UPP2: variants seen among roughly 807,000 people sequenced by gnomAD.
The protein encoded by UPP2 is UPase 2.
In UPP2, 23 loss-of-function variants were observed where a neutral mutation model predicts 26.7. That is an observed-to-expected ratio of 0.86 (90% CI 0.62 to 1.22). UPP2 has a LOEUF of 1.22. Ranked by LOEUF, UPP2 falls within the 50% of genes most tolerant of loss-of-function variation. UPP2 has a pLI of 0.00. For missense variants in UPP2, 387 were observed against 396.7 expected (o/e 0.98, Z 0.21); for synonymous variants, 127 against 141.3 (o/e 0.90, Z 0.72).
chr2:158,011,017 G>A (rs912664707), intron 2 of UPP2, among the ~76,000 whole-genome samples: 2 of 151,876 alleles, frequency 1.3e-5, no homozygotes, highest in African/African-American at 2.4e-5. Context: ...CACCCACCTC[G>A]ACCTCCCAAA....
At chr2:158,055,763 T>A (rs191680120) in intron 3 of UPP2, among the ~76,000 whole-genome samples, 2 of 152,290 alleles carry the variant, frequency 1.3e-5, no homozygotes, top group Admixed American at 1.3e-4. Flanking sequence ...CCTGTGTTGG[T>A]TTCTTTCTAA....
upstream of UPP2, among the ~76,000 whole-genome samples, chr2:158,099,587 C>A (rs1683041114): frequency 6.6e-6 from 1 of 152,084 alleles, no homozygotes; most frequent in African/African-American, 2.4e-5. Context: ...GCTGATACCC[C>A]ATGGAGAGAC....
intron 4 of UPP2, 79 bp from the exon 5 acceptor site, chr2:158,121,330 C>T: frequency 7.8e-7 from 1 of 1,285,616 alleles, no homozygotes; most frequent in Non-Finnish European, 1.1e-6. Flanking sequence ...AGCATTAATA[C>T]TAGAATAAGT....
chr2:158,124,578 C>G (rs191222539), intron 6 of UPP2, among the ~76,000 whole-genome samples: 1 of 152,074 alleles, frequency 6.6e-6, no homozygotes, highest in Admixed American at 6.6e-5. Context: ...TGGGAAGACC[C>G]GAATGGGGTC....
chr2:158,107,690 G>T (rs1683224343), intron 2 of UPP2, among the ~76,000 whole-genome samples: 1 of 152,036 alleles, frequency 6.6e-6, no homozygotes, highest in Non-Finnish European at 1.5e-5. Context: ...AAAATGAGAA[G>T]AAATAGATCT....
At chr2:158,101,066 G>A (rs1390526980), upstream of UPP2, among the ~76,000 whole-genome samples, 2 of 152,180 alleles carry the variant, frequency 1.3e-5, no homozygotes, top group African/African-American at 4.8e-5. Context: ...ATTTGCTGCT[G>A]TTTGGCATTT....
Position 158,108,887 on chromosome 2 carries a change from C to CGTGTGTGT in UPP2, c.180+2710_180+2717dup, listed in dbSNP as rs748328980. Among the ~76,000 whole-genome samples the CGTGTGTGT allele has an allele frequency of 6.7e-3, 898 of 133,096 alleles. 10 individuals carry two copies. The highest frequency in any genetic ancestry group is 7.5e-3 in the African/African-American group (265 of 35,232). 87.3% of individuals were successfully genotyped at this position (133,096 alleles called of 152,430 possible). A position where few individuals can be genotyped will look rare whatever the true frequency, so the allele number is the denominator to read the frequency against. ...CATTTTGATGAATAGGAGGCAAAAG[C>CGTGTGTGT]GTGTGTGTGTGTGTGTGTGTGTGTG... On this transcript the variant is annotated intron_variant, in intron 2 of 6. Coordinates refer to ENST00000005756, the MANE Select transcript of UPP2 (RefSeq NM_173355.4).
intron 6 of UPP2, among the ~76,000 whole-genome samples, chr2:158,124,913 A>C (rs1165400383): frequency 6.6e-6 from 1 of 152,182 alleles, no homozygotes; most frequent in Non-Finnish European, 1.5e-5. Context: ...TCTGGAGTTT[A>C]GGTTGGTCGT....
intron 3 of UPP2, among the ~76,000 whole-genome samples, chr2:158,038,891 A>G (rs914893468): frequency 1.9e-4 from 29 of 152,192 alleles, no homozygotes; most frequent in African/African-American, 7.0e-4. Flanking sequence ...GAGAGTAGAC[A>G]ATAGGTTCCA....
At chr2:158,088,714 G>T (rs967843662) in intron 3 of UPP2, among the ~76,000 whole-genome samples, 1 of 152,174 alleles carries the variant, frequency 6.6e-6, no homozygotes, top group African/African-American at 2.4e-5. Flanking sequence ...TAGGGATGTG[G>T]CTTCCTAGAG....
At chr2:158,040,249 C>T (rs1684065723) in intron 3 of UPP2, among the ~76,000 whole-genome samples, 1 of 152,164 alleles carries the variant, frequency 6.6e-6, no homozygotes, top group African/African-American at 2.4e-5. Flanking sequence ...AATTGGATTT[C>T]TAACTCTATT....
At chr2:158,046,744 C>T (rs898658931) in intron 3 of UPP2, among the ~76,000 whole-genome samples, 1 of 152,198 alleles carries the variant, frequency 6.6e-6, no homozygotes, top group Non-Finnish European at 1.5e-5. Flanking sequence ...GTAATTCCTA[C>T]AAACCTCTCC....
At chr2:158,118,014 A>AT in intron 4 of UPP2, 76 bp downstream of exon 4, 4 of 1,259,378 alleles carry the variant, frequency 3.2e-6, no homozygotes, top group Non-Finnish European at 4.6e-6. Flanking sequence ...ATAACATCCT[A>AT]TTCAGAGCCC....
At chr2:158,106,283 C>A in intron 2 of UPP2, 67 bp downstream of exon 2, 1 of 1,368,650 alleles carries the variant, frequency 7.3e-7, no homozygotes, top group Non-Finnish European at 1.0e-6. Context: ...TCTTACCTTG[C>A]CAAAATAATC....
At chr2:158,075,156 A>C (rs1205828694) in intron 3 of UPP2, among the ~76,000 whole-genome samples, 1 of 152,024 alleles carries the variant, frequency 6.6e-6, no homozygotes, top group Non-Finnish European at 1.5e-5. Flanking sequence ...AGAGAGATAG[A>C]CCCCAATACA....
chr2:158,016,902 C>T (rs1204882561), intron 3 of UPP2, among the ~76,000 whole-genome samples: 1 of 152,166 alleles, frequency 6.6e-6, no homozygotes, highest in Non-Finnish European at 1.5e-5. Context: ...GAATTGGTGA[C>T]TTGATTTTGT....
At chr2:158,063,925 C>T (rs1682393907) in intron 3 of UPP2, among the ~76,000 whole-genome samples, 1 of 152,184 alleles carries the variant, frequency 6.6e-6, no homozygotes, top group Non-Finnish European at 1.5e-5. Context: ...AGGACATAAA[C>T]TCATTCTTTT....
chr2:158,071,550 CAAAAAAAAAAAAAAAA>C (rs56926948), intron 3 of UPP2, among the ~76,000 whole-genome samples: 1 of 65,470 alleles, frequency 1.5e-5, no homozygotes. Context: ...GATTCTGTCT[CAAAAAAAAAAAAAAAA>C]AAAAAAAAAA....
chr2:158,065,851 A>T, intron 3 of UPP2: 1 of 663,916 alleles, frequency 1.5e-6, no homozygotes, highest in Non-Finnish European at 2.8e-6. Context: ...ACTGCTGTTC[A>T]TTGCATTGCA....
Sources: allele counts gnomAD v4.1 joint callset (sites outside exome capture counted in the v4.1 genomes callset), GRCh38; gene constraint gnomAD v4.1.1; transcripts MANE v1.5; gene names NCBI Gene and HGNC (gene_info 2026-07-23, HGNC 2026-07-21).